The following TMEM132B variants were observed in gnomAD, a reference collection of about 807,000 sequenced individuals.
TMEM132B encodes transmembrane protein 132B.
Under a neutral mutation model 90.8 loss-of-function variants are expected in TMEM132B, and 18 were observed. The ratio of observed to expected loss-of-function variants is 0.20; its 90% CI spans 0.14 to 0.29. The LOEUF is 0.29. TMEM132B is among the 10% of genes least tolerant of loss of function. The pLI is 1.00. For synonymous variants in TMEM132B, 504 were observed against 523.3 expected (o/e 0.96, Z 0.50); for missense variants, 1,096 against 1,326.8 (o/e 0.83, Z 2.70).
intron 5 of TMEM132B, 21 bp downstream of exon 5, chr12:125,584,015 A>G: frequency 1.2e-6 from 2 of 1,614,042 alleles, no homozygotes; most frequent in East Asian, 2.2e-5. Context: ...ATTTATCTAC[A>G]GCTGTCCTAA....
intron 1 of TMEM132B, among the ~76,000 whole-genome samples, chr12:125,291,439 G>A (rs1277085446): frequency 2.0e-5 from 3 of 152,220 alleles, no homozygotes; most frequent in African/African-American, 7.2e-5. Context: ...AGAAGTTAGA[G>A]GGGTTTGAAG....
intron 1 of TMEM132B, among the ~76,000 whole-genome samples, chr12:125,194,273 G>GT (rs1347599178): frequency 3.9e-5 from 6 of 152,058 alleles, no homozygotes; most frequent in Non-Finnish European, 7.4e-5. Context: ...CCCGTTGGTG[G>GT]GGGGGTCTTA....
intron 2 of TMEM132B, among the ~76,000 whole-genome samples, 165 bp downstream of exon 2, chr12:125,350,508 T>C (rs1877534781): frequency 6.6e-6 from 1 of 152,204 alleles, no homozygotes; most frequent in Admixed American, 6.5e-5. Flanking sequence ...CTACGGACAG[T>C]AGGTAAAAGA....
chr12:125,218,201 G>C (rs138993809), intron 1 of TMEM132B, among the ~76,000 whole-genome samples: 1 of 152,098 alleles, frequency 6.6e-6, no homozygotes, highest in Non-Finnish European at 1.5e-5. Flanking sequence ...TTGCCTGGGG[G>C]ACAAGGGATG....
intron 1 of TMEM132B, among the ~76,000 whole-genome samples, chr12:125,342,367 C>T (rs1342841365): frequency 1.3e-5 from 2 of 152,178 alleles, no homozygotes; most frequent in Non-Finnish European, 2.9e-5. Context: ...TGTAATTTAA[C>T]TCCCCTCACC....
In TMEM132B at chr12:125,512,764, G is replaced by A. The variant is rs1315290876; in HGVS notation, c.1107-6675G>A. Among the ~76,000 whole-genome samples, 10 of 152,266 alleles carry A rather than the reference G, an allele frequency of 6.6e-5. No homozygotes were observed. In the South Asian group the frequency reaches 8.3e-4, roughly 13 times the overall value. On this transcript the variant is annotated intron_variant, in intron 3 of 8. Transcript: ENST00000682704. ...CTGCCCTTGACAAAACGGAAATGAG[G>A]AGGTGGTGCCTGGATCCTATGAAAC...
At chr12:125,529,586 A>G (rs1883589675) in intron 4 of TMEM132B, among the ~76,000 whole-genome samples, 1 of 152,104 alleles carries the variant, frequency 6.6e-6, no homozygotes, top group Non-Finnish European at 1.5e-5. Flanking sequence ...AGACGGGGGT[A>G]GCCTCTGTCT....
intron 2 of TMEM132B, among the ~76,000 whole-genome samples, chr12:125,377,503 C>A (rs1188295508): frequency 2.0e-5 from 3 of 152,046 alleles, no homozygotes; most frequent in Admixed American, 2.0e-4. Context: ...CTCAGTACCC[C>A]CTGCTATAAA....
intron 4 of TMEM132B, among the ~76,000 whole-genome samples, chr12:125,533,899 A>T (rs897395548): frequency 3.9e-5 from 6 of 152,246 alleles, no homozygotes; most frequent in East Asian, 1.9e-4. Flanking sequence ...ATGCATGCTC[A>T]TTATAACATT....
At chr12:125,389,579 A>G (rs1261889552) in intron 2 of TMEM132B, among the ~76,000 whole-genome samples, 1 of 152,116 alleles carries the variant, frequency 6.6e-6, no homozygotes, top group African/African-American at 2.4e-5. Context: ...ATTAAAACTG[A>G]AGATGGAGTT....
chr12:125,559,197 C>A (rs1389552224), intron 4 of TMEM132B, among the ~76,000 whole-genome samples: 1 of 152,094 alleles, frequency 6.6e-6, no homozygotes, highest in East Asian at 1.9e-4. Flanking sequence ...GAGACCCTCT[C>A]TCTACAAAAA....
intron 1 of TMEM132B, among the ~76,000 whole-genome samples, chr12:125,187,334 C>T (rs367665440): frequency 3.9e-5 from 6 of 152,322 alleles, no homozygotes; most frequent in African/African-American, 1.4e-4. Context: ...ATGTCTCGGC[C>T]GGCGCTGTCT....
chr12:125,293,671 G>A (rs10773154), intron 1 of TMEM132B, among the ~76,000 whole-genome samples: 77,889 of 152,092 alleles, frequency 0.51, 19,959 homozygotes, highest in South Asian at 0.56. Flanking sequence ...GTGTATATGC[G>A]TCATGTTTCC....
Position 125,652,576 on chromosome 12 carries a change from A to G in TMEM132B, c.2050A>G (p.Lys684Glu). ...SLSLQPHRAD[K>E]RAIVSTAAAL... is the part of the protein sequence containing the mutation. ...CTCCCTGCAGCCACACCGAGCAGACAAAAGGGCCATCGTCTCCACAGCTGC... is the reference window on the plus strand; with the variant it reads ...CTCCCTGCAGCCACACCGAGCAGACGAAAGGGCCATCGTCTCCACAGCTGC... The change falls in exon 8 of 9, where the codon AAA becomes GAA. Residue 684 changes from lysine to glutamate, a missense_variant. Coordinates refer to ENST00000682704, the MANE Select transcript of TMEM132B (RefSeq NM_001366854.1). The G allele has an allele frequency of 1.9e-6, 3 of 1,613,798 alleles. No individual in the cohort carries two copies. The highest frequency in any genetic ancestry group is 1.1e-5 in the South Asian group (1 of 91,032).
intron 5 of TMEM132B, among the ~76,000 whole-genome samples, chr12:125,641,977 A>T (rs1480044796): frequency 6.6e-6 from 1 of 152,196 alleles, no homozygotes; most frequent in African/African-American, 2.4e-5. Flanking sequence ...GCAGGTTTCT[A>T]AATCACAGGG....
chr12:125,598,659 T>A (rs1885500563), intron 5 of TMEM132B, among the ~76,000 whole-genome samples: 1 of 152,224 alleles, frequency 6.6e-6, no homozygotes, highest in Non-Finnish European at 1.5e-5. Flanking sequence ...TTCTTTCAGA[T>A]GAAAACTTTC....
intron 4 of TMEM132B, among the ~76,000 whole-genome samples, chr12:125,542,334 T>A (rs1265417877): frequency 6.6e-6 from 1 of 152,212 alleles, no homozygotes; most frequent in African/African-American, 2.4e-5. Flanking sequence ...AAGTTTTTAC[T>A]GTGGTAAAAT....
chr12:125,308,522 AG>A (rs1419715128), intron 1 of TMEM132B, among the ~76,000 whole-genome samples: 3 of 152,294 alleles, frequency 2.0e-5, no homozygotes, highest in Admixed American at 6.5e-5. Flanking sequence ...GCTGGGCTCA[AG>A]GGGTTATGCA....
intron 1 of TMEM132B, among the ~76,000 whole-genome samples, chr12:125,305,070 C>A (rs746621805): frequency 2.6e-5 from 4 of 151,962 alleles, no homozygotes; most frequent in Non-Finnish European, 4.4e-5. Flanking sequence ...TTGGGCACTC[C>A]TTGTCATGGA....
Sources: allele counts gnomAD v4.1 joint callset (sites outside exome capture counted in the v4.1 genomes callset), GRCh38; gene constraint gnomAD v4.1.1; transcripts MANE v1.5; gene names NCBI Gene and HGNC (gene_info 2026-07-23, HGNC 2026-07-21).